Variants in FREM1 observed in about 807,000 individuals in gnomAD.
FREM1 encodes the protein FRAS1-related extracellular matrix protein 1.
FREM1 carries 220 observed loss-of-function variants against 210.1 expected under a neutral mutation model. The ratio of observed to expected loss-of-function variants is 1.05; its 90% CI spans 0.94 to 1.17. FREM1 has a LOEUF of 1.17. FREM1 is among the 50% of genes most tolerant of loss of function. The probability of loss-of-function intolerance (pLI) is 0.00; values close to 1 mark genes in which losing one functional copy is unlikely to be tolerated. For synonymous variants in FREM1, 1,189 were observed against 980.2 expected (o/e 1.21, Z -3.98); for missense variants, 3,454 against 2,675.5 (o/e 1.29, Z -6.42).
intron 1 of FREM1, among the ~76,000 whole-genome samples, chr9:14,877,782 C>G (rs928008962): frequency 2.6e-5 from 4 of 152,222 alleles, no homozygotes; most frequent in African/African-American, 9.6e-5. Context: ...AACATCTTGA[C>G]TGCAGCCTGG....
At chr9:14,821,754 G>A (rs756388051) in intron 13 of FREM1, among the ~76,000 whole-genome samples, 25 of 152,204 alleles carry the variant, frequency 1.6e-4, no homozygotes, top group Admixed American at 1.2e-3. Flanking sequence ...GGCTTAGATG[G>A]TCTGGAGAGC....
chr9:14,757,181 A>C (rs1310169993), intron 28 of FREM1, among the ~76,000 whole-genome samples: 1 of 152,180 alleles, frequency 6.6e-6, no homozygotes, highest in Non-Finnish European at 1.5e-5. Context: ...CAGCCCCAAG[A>C]CTAAAAACCA....
At chr9:14,794,862 G>A in intron 21 of FREM1, among the ~76,000 whole-genome samples, 1 of 152,182 alleles carries the variant, frequency 6.6e-6, no homozygotes, top group South Asian at 2.1e-4. Flanking sequence ...GCCAGGCGTG[G>A]TGGCAGGCGC....
intron 19 of FREM1, 39 bp downstream of exon 19, chr9:14,804,917 T>C (rs1427260836): frequency 6.7e-6 from 10 of 1,487,400 alleles, no homozygotes; most frequent in Non-Finnish European, 9.4e-6. Flanking sequence ...AAAATCAAAA[T>C]GATAAAAGAG....
chr9:14,768,970 C>G (rs1847013095), intron 27 of FREM1, among the ~76,000 whole-genome samples: 1 of 152,022 alleles, frequency 6.6e-6, no homozygotes, highest in African/African-American at 2.4e-5. Flanking sequence ...AACAAACAAA[C>G]AAACAAAAAA....
chr9:14,818,202 G>A (rs933650292), intron 14 of FREM1, among the ~76,000 whole-genome samples: 2 of 152,148 alleles, frequency 1.3e-5, no homozygotes, highest in Non-Finnish European at 2.9e-5. Flanking sequence ...AGCAAATATT[G>A]GTACTGTTTA....
In FREM1 at chr9:14,869,219, T is replaced by A; in HGVS notation, c.-242A>T. On this transcript the variant is annotated 5_prime_UTR_variant, in exon 2 of 37. Coordinates refer to ENST00000380880, the MANE Select transcript of FREM1 (RefSeq NM_001379081.2). The stretch of plus-strand genomic sequence containing the variant: ...CTCCTGACAACGCCGGCAAGATTAA[T>A]GGGCTTCCCAAGTGCTTTTCTAATC... 4.7e-6 allele frequency: 2 copies of A among 421,974 alleles called. No individual in the cohort carries two copies. The highest frequency in any genetic ancestry group is 8.5e-6 in the Non-Finnish European group (2 of 236,068). 26.1% of individuals were successfully genotyped at this position (421,974 alleles called of 1,614,324 possible).
At chr9:14,744,397 T>C (rs1044015824) in intron 35 of FREM1, among the ~76,000 whole-genome samples, 2 of 152,136 alleles carry the variant, frequency 1.3e-5, no homozygotes, top group Non-Finnish European at 2.9e-5. Context: ...TCGTGCTATT[T>C]TCTAGTCATT....
intron 1 of FREM1, among the ~76,000 whole-genome samples, chr9:14,899,868 T>C (rs1838464655): frequency 3.3e-5 from 5 of 152,248 alleles, no homozygotes. Flanking sequence ...CTAACTTATC[T>C]GTCCTTTACT....
At chr9:14,824,173 G>A (rs1278555523) in intron 11 of FREM1, 58 bp from the exon 12 acceptor site, 7 of 1,063,358 alleles carry the variant, frequency 6.6e-6, no homozygotes, top group South Asian at 2.8e-5. Flanking sequence ...AAATGAAATC[G>A]AATAGCCCAC....
At chr9:14,778,743 G>GGGAAGGGAAGGGAAGGGAAC in intron 24 of FREM1, among the ~76,000 whole-genome samples, 2 of 147,006 alleles carry the variant, frequency 1.4e-5, no homozygotes, top group African/African-American at 2.5e-5. Flanking sequence ...GGGAAGGGAA[G>GGGAAGGGAAGGGAAGGGAAC]GGAAGGAAAG....
chr9:14,782,336 T>C (rs1849766171), intron 24 of FREM1: 4 of 981,272 alleles, frequency 4.1e-6, no homozygotes, highest in Non-Finnish European at 3.6e-6. Flanking sequence ...ATACGGAGGT[T>C]TTGTTCTTTA....
At position 14,785,970 on chromosome 9, in the gene FREM1, G is replaced by A. The variant is rs182512032; in HGVS notation, c.4178-1336C>T. ...TGTATGACTGAGGAAGGTAGAAGTG[G>A]GTCACACATGGACCAATGATGCAGT... On this transcript the variant is annotated intron_variant, in intron 23 of 36. Coordinates refer to ENST00000380880, the MANE Select transcript of FREM1 (RefSeq NM_001379081.2). Among the ~76,000 whole-genome samples the A allele has an allele frequency of 3.3e-4, 50 of 152,096 alleles. 1 individual carries two copies. Among genetic ancestry groups the A allele is most frequent in the Middle Eastern group, 3.4e-3 (1 of 294 alleles).
At chr9:14,863,767 G>T (rs1166789777) in intron 3 of FREM1, 42 bp downstream of exon 3, 12 of 1,189,594 alleles carry the variant, frequency 1.0e-5, no homozygotes, top group Non-Finnish European at 1.5e-5. Context: ...AACACAGAAT[G>T]GTTACTTGGC....
Position 14,770,737 on chromosome 9 carries a change from T to C in FREM1, c.4927A>G (p.Lys1643Glu), listed in dbSNP as rs1177544276. ...ATGTAAATCCCGTAGCAGCCATTTT[T>C]CAGGAGCCCCACTTGAGAAGGGGAA... The part of the protein sequence containing the change: ...LHSPSQVGLL[K>E]NGCYGIYITS... Residue 1643 changes from lysine (K) to glutamate (E), a missense_variant, in exon 26 of 37, where the codon AAA becomes GAA. By Grantham distance (56) the Lys-to-Glu change is moderately conservative. Transcript: ENST00000380880. 1 of 1,613,638 alleles carries C rather than the reference T, an allele frequency of 6.2e-7. No homozygotes were observed. The highest frequency in any genetic ancestry group is 1.1e-5 in the South Asian group (1 of 91,058).
At chr9:14,811,437 G>T (rs1039909512) in intron 16 of FREM1, among the ~76,000 whole-genome samples, 3 of 152,144 alleles carry the variant, frequency 2.0e-5, no homozygotes, top group African/African-American at 7.2e-5. Flanking sequence ...ACAATCATTG[G>T]TCTTTGGATC....
At chr9:14,902,132 C>T (rs544338997) in intron 1 of FREM1, among the ~76,000 whole-genome samples, 9 of 152,206 alleles carry the variant, frequency 5.9e-5, no homozygotes, top group East Asian at 1.9e-4. Context: ...AGGCATGAGC[C>T]ACCACACTTG....
intron 36 of FREM1, among the ~76,000 whole-genome samples, chr9:14,738,934 CA>C (rs1273549251): frequency 7.2e-6 from 1 of 138,982 alleles, no homozygotes; most frequent in African/African-American, 2.7e-5. Context: ...TGCTTGAACC[CA>C]GGGGGCGGAA....
At chr9:14,889,554 C>G (rs1021686830) in intron 1 of FREM1, among the ~76,000 whole-genome samples, 2 of 152,246 alleles carry the variant, frequency 1.3e-5, no homozygotes, top group Non-Finnish European at 2.9e-5. Context: ...AGTTCTGACA[C>G]TAGACTAGTG....
Sources: gnomAD v4.1 joint callset for allele counts (sites outside exome capture counted in the v4.1 genomes callset) on GRCh38, gnomAD v4.1.1 for gene constraint, MANE v1.5 for transcripts, NCBI Gene and HGNC (gene_info 2026-07-23, HGNC 2026-07-21) for gene names.